TMC8: variants seen among roughly 807,000 people sequenced by gnomAD.
TMC8 encodes the protein transmembrane channel-like protein 8.
In TMC8, 71 loss-of-function variants were observed where a neutral mutation model predicts 76.0. The observed-to-expected ratio is 0.93, with a 90% CI of 0.77 to 1.14. The LOEUF is 1.14. TMC8 is among the 50% of genes most tolerant of loss of function. TMC8 has a pLI of 0.00. For synonymous variants in TMC8, 433 were observed against 433.8 expected, an observed-to-expected ratio of 1.00 and a Z score of 0.02; for missense variants, 924 against 947.9, an observed-to-expected ratio of 0.97 and a Z score of 0.33.
In TMC8 at chr17:78,132,340, C is replaced by T. The variant is rs1366992986; in HGVS notation, c.299-19C>T. ...CCCCGGCCCCGGCCTCCCTGACCCA[C>T]CCTGCTCTCCCACTGCAGGCCTCTT... On this transcript the variant is annotated intron_variant, in intron 3 of 15. Transcript: ENST00000318430. The T allele has an allele frequency of 1.2e-6, 2 of 1,612,346 alleles. No individual in the cohort carries two copies. Among genetic ancestry groups the T allele is most frequent in the Non-Finnish European group, 1.7e-6 (2 of 1,179,538 alleles).
intron 15 of TMC8, among the ~76,000 whole-genome samples, chr17:78,139,728 TAAAA>T (rs34917993): frequency 3.7e-4 from 23 of 62,754 alleles, no homozygotes; most frequent in Admixed American, 1.8e-3. Flanking sequence ...CGTCTCTACT[TAAAA>T]AAAAAAAAAA....
rs746393429 is a variant in TMC8 at position 78,133,836 on chromosome 17, G to T, written c.669-17G>T. On this transcript the variant is annotated splice_polypyrimidine_tract_variant and intron_variant, in intron 6 of 15. Coordinates refer to ENST00000318430, the MANE Select transcript of TMC8 (RefSeq NM_152468.5). ...AGGTGCCCCTCCTCCAGCAGCCCCT[G>T]GTCTCCTGCCCCGCAGGATGGTGAA... 3 of 1,612,880 alleles carry T rather than the reference G, an allele frequency of 1.9e-6. No homozygotes were observed. The highest frequency in any genetic ancestry group is 1.7e-5 in the Admixed American group (1 of 60,024).
chr17:78,134,847 C>T, intron 8 of TMC8, 23 bp from the exon 9 acceptor site: 1 of 1,613,246 alleles, frequency 6.2e-7, no homozygotes, highest in East Asian at 2.2e-5. Flanking sequence ...ACGCGGGCTC[C>T]CCTGACCTGC....
At chr17:78,133,159 C>T (rs1341423001) in intron 5 of TMC8, among the ~76,000 whole-genome samples, 2 of 152,188 alleles carry the variant, frequency 1.3e-5, no homozygotes, top group African/African-American at 2.4e-5. Context: ...GGGAGAAGCA[C>T]TTCCCCACCC....
chr17:78,136,712 C>T, intron 9 of TMC8: 1 of 185,550 alleles, frequency 5.4e-6, no homozygotes, highest in Admixed American at 5.4e-5. Flanking sequence ...TGCCTCTCCA[C>T]ACCAGGCATG....
At chr17:78,134,149 T>C in intron 7 of TMC8, 149 bp downstream of exon 7, 2 of 1,276,802 alleles carry the variant, frequency 1.6e-6, no homozygotes, top group Non-Finnish European at 2.3e-6. Flanking sequence ...GGGAGCGTGA[T>C]GGAGAGCGTG....
Position 78,131,749 on chromosome 17 carries a change from G to T in TMC8, c.149+12G>T. 1.3e-6 allele frequency: 2 copies of T among 1,575,998 alleles called. No individual in the cohort carries two copies. The highest frequency in any genetic ancestry group is 1.2e-5 in the South Asian group (1 of 86,518). On this transcript the variant is annotated intron_variant, in intron 2 of 15. Transcript: ENST00000318430. ...AAGCGCCTCATCTGGTGGGTGCCAC[G>T]CGGGCGCCAGACGGTGCGTGGGGGG...
At position 78,142,152 on chromosome 17, in the gene TMC8, G is replaced by A. The variant is rs1443717562; in HGVS notation, c.*1040G>A. On this transcript the variant is annotated 3_prime_UTR_variant, in exon 16 of 16. Coordinates refer to ENST00000318430, the MANE Select transcript of TMC8 (RefSeq NM_152468.5). The stretch of plus-strand genomic sequence containing the variant: ...ACCCCCACCCCTGCCATGCTGCAGT[G>A]ACTAAATCTGTGGTTCTCATCCTTG... 6.6e-6 allele frequency: 1 copy of A among 152,192 alleles called. No individual in the cohort carries two copies. The highest frequency in any genetic ancestry group is 1.5e-5 in the Non-Finnish European group (1 of 68,116). The allele number at this position is 152,192 out of a possible 1,614,324, so 9.4% of individuals were successfully genotyped here.
Position 78,134,389 on chromosome 17 carries a change from G to C in TMC8, c.817-5G>C, listed in dbSNP as rs1376719780. On this transcript the variant is annotated splice_region_variant and splice_polypyrimidine_tract_variant and intron_variant, in intron 7 of 15. Transcript: ENST00000318430. ...AGCTGCCTCTGTCCCCACCCTTCCGGGCAGGTGGAGCTGGAGGAGGGCCGT... is the reference window on the plus strand; with the variant it reads ...AGCTGCCTCTGTCCCCACCCTTCCGCGCAGGTGGAGCTGGAGGAGGGCCGT... The C allele has an allele frequency of 1.9e-6, 3 of 1,609,662 alleles. No homozygotes were observed. Among genetic ancestry groups the C allele is most frequent in the South Asian group, 2.2e-5 (2 of 91,066 alleles).
chr17:78,138,494 A>G lies in TMC8; in HGVS notation c.1664+15A>G. 1.2e-6 allele frequency: 2 copies of G among 1,613,298 alleles called. No individual in the cohort carries two copies. The highest frequency in any genetic ancestry group is 8.5e-7 in the Non-Finnish European group (1 of 1,179,940). On this transcript the variant is annotated intron_variant, in intron 13 of 15. Transcript: ENST00000318430. ...GTGGTCAGCAGGTGAGGGGAAGAGG[A>G]GGGGGGCACCCAGAGGCTGGCAGGG...
Position 78,132,757 on chromosome 17 carries a change from C to G in TMC8, c.449-31C>G, listed in dbSNP as rs1198289792. 7 of 1,605,852 alleles carry G rather than the reference C, an allele frequency of 4.4e-6. No individual in the cohort carries two copies. The African/African-American group carries it at 8.0e-5, about 18-fold the overall frequency. Reference sequence around the variant, plus strand: ...GAGCCTCACCTATGCCTTGGGGATCCCTCTCTATTGACCCCCTTCCTCCTC... The same window carrying G: ...GAGCCTCACCTATGCCTTGGGGATCGCTCTCTATTGACCCCCTTCCTCCTC... On this transcript the variant is annotated intron_variant, in intron 4 of 15. Transcript: ENST00000318430.
In TMC8 at chr17:78,133,991, C is replaced by T. The variant is rs773877370; in HGVS notation, c.807C>T (p.Asn269=). ...AATIKKHEIS[N]EFKVELEEGR... ...CCATCAAGAAGCATGAGATCAGCAA[C>T]GAGTTCAAGGTGTGTGCACGAGTGA... The change falls in exon 7 of 16, where the codon AAC becomes AAT. Residue 269 remains asparagine (N), a synonymous_variant. Coordinates refer to ENST00000318430, the MANE Select transcript of TMC8 (RefSeq NM_152468.5). The T allele has an allele frequency of 1.7e-5, 28 of 1,613,606 alleles. No individual in the cohort carries two copies. Among genetic ancestry groups the T allele is most frequent in the Non-Finnish European group, 2.3e-5 (27 of 1,180,050 alleles).
chr17:78,133,892 G>A lies in TMC8; in HGVS notation c.708G>A (p.Gln236=), dbSNP rs1419171748. Residue 236 remains glutamine (Q), a synonymous_variant, in exon 7 of 16, where the codon CAG becomes CAA. Coordinates refer to ENST00000318430, the MANE Select transcript of TMC8 (RefSeq NM_152468.5). ...KGLPQKTLLG[Q]GYQAPLSAKV... ...TGCCGCAGAAGACTCTGCTGGGTCA[G>A]GGCTATCAGGCGCCTCTCAGCGCCA... is the stretch of plus-strand genomic sequence containing the variant. 1 of 1,613,466 alleles carries A rather than the reference G, an allele frequency of 6.2e-7. No homozygotes were observed. Among genetic ancestry groups the A allele is most frequent in the Non-Finnish European group, 8.5e-7 (1 of 1,180,048 alleles).
In TMC8 at chr17:78,140,922, C is replaced by T. The variant is rs1419474746; in HGVS notation, c.1991C>T (p.Pro664Leu). ...AGCGACTCTCCGGGCCCCAAGTACC[C>T]TGCCTCCCAAGCTTCGCGCCCGCAG... Reference protein sequence around the residue: ...GPSDSPGPKYPASQASRPQSF... With the variant: ...GPSDSPGPKYLASQASRPQSF... Residue 664 changes from proline to leucine, a missense_variant, in exon 16 of 16, where the codon CCT (proline) becomes CTT (leucine). By Grantham distance (98) the Pro-to-Leu change is moderately conservative (BLOSUM62 -3). Coordinates refer to ENST00000318430, the MANE Select transcript of TMC8 (RefSeq NM_152468.5). The T allele has an allele frequency of 6.2e-7, 1 of 1,604,046 alleles. No homozygotes were observed. Among genetic ancestry groups the T allele is most frequent in the Non-Finnish European group, 8.5e-7 (1 of 1,176,102 alleles).
intron 15 of TMC8, 73 bp from the exon 16 acceptor site, chr17:78,140,761 C>A: frequency 1.3e-6 from 2 of 1,548,284 alleles, no homozygotes; most frequent in Non-Finnish European, 1.7e-6. Flanking sequence ...CGCAGAGTTG[C>A]TGCCGCTGCT....
In TMC8 at chr17:78,131,934, C is replaced by A; in HGVS notation, c.202C>A (p.Arg68Ser). The A allele has an allele frequency of 6.6e-7, 1 of 1,504,158 alleles. No homozygotes were observed. The highest frequency in any genetic ancestry group is 8.8e-7 in the Non-Finnish European group (1 of 1,132,372). 93.2% of individuals were successfully genotyped at this position (1,504,158 alleles called of 1,614,324 possible). A position where few individuals can be genotyped will look rare whatever the true frequency, so the allele number is the denominator to read the frequency against. Residue 68 changes from arginine to serine, a missense_variant, in exon 3 of 16, where the codon CGC (arginine) becomes AGC (serine). Physicochemically the swap from Arg to Ser is moderately radical, Grantham distance 110. Coordinates refer to ENST00000318430, the MANE Select transcript of TMC8 (RefSeq NM_152468.5). ...GACCTTGCGCTGGCAGCGGTGGCAG[C>A]GCCGGCGGCAGACGGTGGAAAGGCG... ...VQTLRWQRWQRRRQTVERRLR... is the reference protein window; with the variant it reads ...VQTLRWQRWQSRRQTVERRLR...
In TMC8 at chr17:78,132,780, C is replaced by T. The variant is rs1598902028; in HGVS notation, c.449-8C>T. 6.2e-7 allele frequency: 1 copy of T among 1,614,190 alleles called. No individual in the cohort carries two copies. Among genetic ancestry groups the T allele is most frequent in the Non-Finnish European group, 8.5e-7 (1 of 1,180,020 alleles). Reference sequence around the variant, plus strand: ...TCCCTCTCTATTGACCCCCTTCCTCCTCAACAGCCCTCCAGTGCCCTGGTA... The same window carrying T: ...TCCCTCTCTATTGACCCCCTTCCTCTTCAACAGCCCTCCAGTGCCCTGGTA... On this transcript the variant is annotated splice_polypyrimidine_tract_variant and splice_region_variant and intron_variant, in intron 4 of 15. Transcript: ENST00000318430.
chr17:78,137,405 A>C, intron 10 of TMC8, 47 bp downstream of exon 10: 4 of 1,612,644 alleles, frequency 2.5e-6, no homozygotes, highest in Non-Finnish European at 3.4e-6. Flanking sequence ...CTTCTCCCCA[A>C]AAAGCTCACC....
intron 15 of TMC8, 80 bp downstream of exon 15, chr17:78,139,320 C>T: frequency 1.3e-6 from 2 of 1,537,144 alleles, no homozygotes; most frequent in Non-Finnish European, 8.9e-7. Flanking sequence ...GCCTAGAACA[C>T]GTCTGAGCGG....
Sources: gnomAD v4.1 joint callset for allele counts (sites outside exome capture counted in the v4.1 genomes callset) on GRCh38, gnomAD v4.1.1 for gene constraint, MANE v1.5 for transcripts, NCBI Gene and HGNC (gene_info 2026-07-23, HGNC 2026-07-21) for gene names.